UBE4B: variants seen among roughly 807,000 people sequenced by gnomAD.
UBE4B encodes the protein ubiquitin conjugation factor E4 B.
In UBE4B, 27 loss-of-function variants were observed where a neutral mutation model predicts 148.1. The observed-to-expected ratio is 0.18, with a 90% CI of 0.13 to 0.25. The LOEUF (loss-of-function observed/expected upper bound fraction) is 0.25. Ranked by LOEUF, UBE4B falls within the 10% of genes least tolerant of loss-of-function variation. UBE4B has a pLI of 1.00. For missense variants in UBE4B, 1,170 were observed against 1,662.4 expected (o/e 0.70, Z 5.15); for synonymous variants, 596 against 619.3 (o/e 0.96, Z 0.56).
At chr1:10,036,122 G>A (rs1278431120) in intron 1 of UBE4B, among the ~76,000 whole-genome samples, 5 of 148,738 alleles carry the variant, frequency 3.4e-5, no homozygotes, top group African/African-American at 1.2e-4. Context: ...ATAGTCCTTG[G>A]TTTAGAGGCT....
intron 17 of UBE4B, among the ~76,000 whole-genome samples, chr1:10,143,633 C>G (rs114892867): frequency 6.6e-6 from 1 of 152,154 alleles, no homozygotes; most frequent in Non-Finnish European, 1.5e-5. Flanking sequence ...CAGGTTCCCT[C>G]GAAGGATTCG....
chr1:10,116,238 G>C (rs190031543), intron 7 of UBE4B, among the ~76,000 whole-genome samples: 2 of 152,128 alleles, frequency 1.3e-5, no homozygotes, highest in African/African-American at 4.8e-5. Flanking sequence ...CTCCTCCCAC[G>C]GTCAAGTGAT....
At chr1:10,119,643 A>G in intron 9 of UBE4B, 30 bp downstream of exon 9, 1 of 1,598,716 alleles carries the variant, frequency 6.3e-7, no homozygotes. Flanking sequence ...GCTTGACATT[A>G]GCAGGCAGAG....
At chr1:10,107,697 A>T (rs1645140789) in intron 7 of UBE4B, among the ~76,000 whole-genome samples, 1 of 149,190 alleles carries the variant, frequency 6.7e-6, no homozygotes, top group Non-Finnish European at 1.5e-5. Flanking sequence ...CCTGCCTCAG[A>T]CTCCCAAGTA....
intron 17 of UBE4B, among the ~76,000 whole-genome samples, chr1:10,141,506 C>G (rs573948074): frequency 6.6e-6 from 1 of 152,310 alleles, no homozygotes; most frequent in South Asian, 2.1e-4. Flanking sequence ...TTCCAGAACT[C>G]TAAGACTATA....
Position 10,169,475 on chromosome 1 carries a change from G to A in UBE4B, c.3333+1205G>A, listed in dbSNP as rs3790487. On this transcript the variant is annotated intron_variant, in intron 24 of 27. Transcript: ENST00000343090. ...CATGTCTCTTCATAAACAGATTTCA[G>A]TGCAAGAGCCATGGAACACGAAACA... 6.6e-5 allele frequency among the ~76,000 whole-genome samples: 10 copies of A among 152,234 alleles called. No individual in the cohort carries two copies. The East Asian group carries it at 1.9e-3, about 29-fold the overall frequency.
At chr1:10,069,553 G>A (rs1292882144) in intron 1 of UBE4B, among the ~76,000 whole-genome samples, 1 of 152,050 alleles carries the variant, frequency 6.6e-6, no homozygotes, top group African/African-American at 2.4e-5. Context: ...TTATTTTTTT[G>A]AGACGGAGTC....
chr1:10,106,462 AGCCCCCAAGCAGT>A lies in UBE4B; in HGVS notation c.1080_1092del (p.Gln361ProfsTer30). On this transcript the variant is annotated frameshift_variant, in exon 7 of 28. Coordinates refer to ENST00000343090, the MANE Select transcript of UBE4B (RefSeq NM_001105562.3). LOFTEE classifies it high-confidence loss of function. The surrounding 1 kb of genome is among the most constrained non-coding windows in gnomAD (Gnocchi z 4.2). ...CCCAAGTCCCCCTGCCCTCGCCAGT[AGCCCCCAAGCAGT>A]GCCCGCCAGCAGTTCCAGACAGAGG... 1 of 1,613,904 alleles carries A rather than the reference AGCCCCCAAGCAGT, an allele frequency of 6.2e-7. No individual in the cohort carries two copies. Among genetic ancestry groups the A allele is most frequent in the South Asian group, 1.1e-5 (1 of 91,060 alleles).
intron 3 of UBE4B, among the ~76,000 whole-genome samples, chr1:10,096,904 T>G (rs1013436955): frequency 6.6e-6 from 1 of 151,804 alleles, no homozygotes; most frequent in African/African-American, 2.4e-5. Flanking sequence ...CTGGGTGTGG[T>G]GTTGCATGCC....
chr1:10,175,893 TG>T (rs1646422605), intron 25 of UBE4B, among the ~76,000 whole-genome samples: 1 of 152,182 alleles, frequency 6.6e-6, no homozygotes, highest in Non-Finnish European at 1.5e-5. Context: ...TTTTGTGGCA[TG>T]TAGTACAGTC....
At chr1:10,179,084 AT>A in intron 26 of UBE4B, 1 of 466,366 alleles carries the variant, frequency 2.1e-6, no homozygotes, top group Non-Finnish European at 3.7e-6. Flanking sequence ...GGGGATTCAC[AT>A]TTTCAAAGAA....
At chr1:10,073,095 A>T (rs951013419) in intron 2 of UBE4B, 1 of 152,300 alleles carries the variant, frequency 6.6e-6, no homozygotes, top group Non-Finnish European at 1.5e-5. Flanking sequence ...ATCTGTTAGT[A>T]ATAAAGAAGA....
chr1:10,048,080 T>C (rs1315930484), intron 1 of UBE4B, among the ~76,000 whole-genome samples: 2 of 152,064 alleles, frequency 1.3e-5, no homozygotes, highest in Admixed American at 1.3e-4. Flanking sequence ...AACTCCTGAC[T>C]TCAAACAATC....
intron 9 of UBE4B, among the ~76,000 whole-genome samples, chr1:10,121,467 C>G (rs1260405173): frequency 6.6e-6 from 1 of 152,048 alleles, no homozygotes; most frequent in Non-Finnish European, 1.5e-5. Context: ...CTGGAGTGCT[C>G]ACTATAACCT....
chr1:10,170,497 T>C (rs1646323432), intron 24 of UBE4B, among the ~76,000 whole-genome samples: 1 of 152,230 alleles, frequency 6.6e-6, no homozygotes, highest in Admixed American at 6.5e-5. Context: ...CTTAAAACCA[T>C]GTATGCCCAA....
intron 1 of UBE4B, among the ~76,000 whole-genome samples, chr1:10,051,745 G>A (rs1434104416): frequency 1.3e-5 from 2 of 152,134 alleles, no homozygotes; most frequent in Admixed American, 6.6e-5. Context: ...CTGCATATCA[G>A]GACTAAAGAA....
At chr1:10,139,124 A>AT (rs1645743564) in intron 17 of UBE4B, among the ~76,000 whole-genome samples, 1 of 152,256 alleles carries the variant, frequency 6.6e-6, no homozygotes, top group Non-Finnish European at 1.5e-5. Flanking sequence ...GGCTGGGCAC[A>AT]GTGGCTTACG....
At chr1:10,154,806 C>G (rs1013306252) in intron 21 of UBE4B, among the ~76,000 whole-genome samples, 2 of 150,548 alleles carry the variant, frequency 1.3e-5, no homozygotes, top group African/African-American at 4.9e-5. Context: ...CGTGCCATTG[C>G]ACTCCAGCCT....
chr1:10,092,667 A>G (rs141843802), intron 2 of UBE4B, among the ~76,000 whole-genome samples: 269 of 152,228 alleles, frequency 1.8e-3, no homozygotes, highest in Middle Eastern at 6.8e-3. Context: ...ATCTCTACTA[A>G]AAGTACAAAA....
Sources: allele counts gnomAD v4.1 joint callset (sites outside exome capture counted in the v4.1 genomes callset), GRCh38; gene constraint gnomAD v4.1.1; non-coding constraint Gnocchi (gnomAD v3.1); transcripts MANE v1.5; gene names NCBI Gene and HGNC (gene_info 2026-07-23, HGNC 2026-07-21).